COQ9: variants seen among roughly 807,000 people sequenced by gnomAD.
The protein encoded by COQ9 is ubiquinone biosynthesis protein COQ9, mitochondrial.
COQ9 carries 35 observed loss-of-function variants against 42.4 expected under a neutral mutation model. The ratio of observed to expected loss-of-function variants is 0.83; its 90% CI spans 0.63 to 1.10. The LOEUF is 1.10. COQ9 is among the 50% of genes least tolerant of loss of function. The pLI is 0.00. For missense variants in COQ9, 406 were observed against 414.6 expected (o/e 0.98, Z 0.18); for synonymous variants, 155 against 155.1 (o/e 1.00, Z 0.00).
intron 1 of COQ9, among the ~76,000 whole-genome samples, chr16:57,450,096 A>G (rs1216276527): frequency 6.6e-6 from 1 of 152,214 alleles, no homozygotes; most frequent in Non-Finnish European, 1.5e-5. Context: ...TCATTCCATA[A>G]TTCTTTCAAT....
chr16:57,447,678 G>A, intron 1 of COQ9, 100 bp downstream of exon 1: 2 of 1,045,898 alleles, frequency 1.9e-6, no homozygotes, highest in Non-Finnish European at 2.4e-6. Context: ...CCGTTGGGGC[G>A]GCCCACGAGC....
At chr16:57,447,626 G>A (rs2030157152) in intron 1 of COQ9, 48 bp downstream of exon 1, 5 of 1,228,798 alleles carry the variant, frequency 4.1e-6, no homozygotes, top group Non-Finnish European at 5.1e-6. Context: ...CGGAGGGGGC[G>A]CGAGGCCGGC....
At chr16:57,449,059 G>A (rs1477490767) in intron 1 of COQ9, among the ~76,000 whole-genome samples, 1 of 152,200 alleles carries the variant, frequency 6.6e-6, no homozygotes, top group Non-Finnish European at 1.5e-5. Flanking sequence ...TTTAGAGCAT[G>A]CAGAAGTCAC....
intron 4 of COQ9, 102 bp from the exon 5 acceptor site, chr16:57,456,829 C>G: frequency 7.6e-7 from 1 of 1,318,782 alleles, no homozygotes; most frequent in Non-Finnish European, 1.1e-6. Context: ...AGGCCAGCGT[C>G]AGGAGCTGGT....
At chr16:57,460,492 A>G (rs1343716484) in intron 8 of COQ9, 97 bp from the exon 9 acceptor site, 13 of 1,245,508 alleles carry the variant, frequency 1.0e-5, no homozygotes, top group Non-Finnish European at 1.5e-5. Flanking sequence ...GCAAAAAAGA[A>G]AAAAAAAAAG....
intron 5 of COQ9, 87 bp downstream of exon 5, chr16:57,457,102 C>A: frequency 2.0e-6 from 2 of 992,050 alleles, no homozygotes; most frequent in Non-Finnish European, 3.2e-6. Context: ...ACTTTGTACA[C>A]TGTTCAGAAC....
chr16:57,457,206 A>G (rs1281614800), intron 5 of COQ9, 191 bp downstream of exon 5: 1 of 674,030 alleles, frequency 1.5e-6, no homozygotes, highest in Non-Finnish European at 2.7e-6. Flanking sequence ...TGACTGAGCC[A>G]TCTGTGTCTC....
At chr16:57,452,698 T>A in intron 2 of COQ9, 103 bp from the exon 3 acceptor site, 1 of 1,317,922 alleles carries the variant, frequency 7.6e-7, no homozygotes, top group Non-Finnish European at 1.1e-6. Context: ...GTAAATGTCT[T>A]CCCAGCATGT....
In COQ9 at chr16:57,458,284, C is replaced by A; in HGVS notation, c.645C>A (p.Ser215=). ...TCATGCTCCCTCACAACATCCCGTC[C>A]AGCCTGAGCCTGCTCACCAGCATGG... ...SILMLPHNIP[S]SLSLLTSMVD... The change falls in exon 6 of 9, where the codon TCC becomes TCA. Residue 215 remains serine (S), a synonymous_variant. Transcript: ENST00000262507. The A allele has an allele frequency of 6.2e-7, 1 of 1,612,798 alleles. No homozygotes were observed. Among genetic ancestry groups the A allele is most frequent in the South Asian group, 1.1e-5 (1 of 90,616 alleles).
intron 3 of COQ9, among the ~76,000 whole-genome samples, chr16:57,455,888 G>A (rs1242989121): frequency 6.6e-6 from 1 of 151,954 alleles, no homozygotes; most frequent in Admixed American, 6.6e-5. Context: ...GGCCAACCTG[G>A]GCAATATGGC....
rs1205057938 is a variant in COQ9 at position 57,447,585 on chromosome 16, G to T, written c.73+7G>T. ...CAGCTGCGATGCCTGCCCGGTGAGGGGGCTGCCAAGCCGGGGAGAGGCGGG... is the reference window on the plus strand; with the variant it reads ...CAGCTGCGATGCCTGCCCGGTGAGGTGGCTGCCAAGCCGGGGAGAGGCGGG... On this transcript the variant is annotated splice_region_variant and intron_variant, in intron 1 of 8. Transcript: ENST00000262507. The T allele has an allele frequency of 7.9e-7, 1 of 1,265,018 alleles. No homozygotes were observed. Among genetic ancestry groups the T allele is most frequent in the Non-Finnish European group, 1.0e-6 (1 of 1,002,546 alleles). 78.4% of individuals were successfully genotyped at this position (1,265,018 alleles called of 1,614,324 possible).
intron 5 of COQ9, 97 bp downstream of exon 5, chr16:57,457,112 C>A: frequency 1.1e-6 from 1 of 947,462 alleles, no homozygotes; most frequent in Non-Finnish European, 1.7e-6. Flanking sequence ...CTGTTCAGAA[C>A]TTAGCTTCTC....
chr16:57,460,027 GA>G (rs2030497204), intron 7 of COQ9, 23 bp from the exon 8 acceptor site: 1 of 1,613,026 alleles, frequency 6.2e-7, no homozygotes, highest in African/African-American at 1.3e-5. Flanking sequence ...TGGCCTAAGG[GA>G]ACCTGACACT....
Position 57,451,107 on chromosome 16 carries a change from A to C in COQ9, c.141A>C (p.Ser47=). ...CTTCAGCTGTGGGGCTAAGGTCTTC[A>C]GATGAGCAGAAGCAGCAGCCTCCCA... The part of the protein sequence containing the change: ...FHASAVGLRS[S]DEQKQQPPNS... Residue 47 remains serine, a synonymous_variant, in exon 2 of 9, where the codon TCA becomes TCC. Coordinates refer to ENST00000262507, the MANE Select transcript of COQ9 (RefSeq NM_020312.4). 6.2e-7 allele frequency: 1 copy of C among 1,614,182 alleles called. No individual in the cohort carries two copies. The highest frequency in any genetic ancestry group is 1.3e-5 in the African/African-American group (1 of 75,038).
At chr16:57,451,392 A>C (rs2030285563) in intron 2 of COQ9, among the ~76,000 whole-genome samples, 184 bp downstream of exon 2, 1 of 152,096 alleles carries the variant, frequency 6.6e-6, no homozygotes, top group Non-Finnish European at 1.5e-5. Flanking sequence ...GACTGGTCTC[A>C]AACTCCTAGA....
chr16:57,458,038 T>C (rs2030444975), intron 5 of COQ9: 1 of 591,024 alleles, frequency 1.7e-6, no homozygotes, highest in African/African-American at 1.8e-5. Context: ...TGCTTGGGCT[T>C]GCATAAGACG....
intron 1 of COQ9, 159 bp from the exon 2 acceptor site, chr16:57,450,881 C>T: frequency 1.2e-6 from 1 of 813,396 alleles, no homozygotes; most frequent in Non-Finnish European, 2.1e-6. Context: ...TCCCAAAGTT[C>T]CCAGTTTACC....
At chr16:57,460,199 C>A in intron 8 of COQ9, 95 bp downstream of exon 8, 1 of 1,257,178 alleles carries the variant, frequency 8.0e-7, no homozygotes, top group Non-Finnish European at 1.2e-6. Flanking sequence ...GTAGCCCTAA[C>A]CTGGAAACAA....
chr16:57,459,788 G>C, intron 7 of COQ9, 68 bp downstream of exon 7: 1 of 1,578,434 alleles, frequency 6.3e-7, no homozygotes, highest in South Asian at 1.1e-5. Context: ...GGTCACAGCT[G>C]GTCTTGCTCC....
Sources: gnomAD v4.1 joint callset for allele counts (sites outside exome capture counted in the v4.1 genomes callset) on GRCh38, gnomAD v4.1.1 for gene constraint, MANE v1.5 for transcripts, NCBI Gene and HGNC (gene_info 2026-07-23, HGNC 2026-07-21) for gene names.